Variants in TTC28 observed in about 807,000 individuals in gnomAD.
TTC28 encodes tetratricopeptide repeat protein 28.
Under a neutral mutation model 198.0 loss-of-function variants are expected in TTC28, and 61 were observed. That is an observed-to-expected ratio of 0.31 (90% CI 0.25 to 0.38). The LOEUF (loss-of-function observed/expected upper bound fraction) is 0.38. Among genes scored for constraint, TTC28 ranks in the 10% least tolerant of loss-of-function variants. The pLI is 1.00. For synonymous variants in TTC28, 1,171 were observed against 1,297.8 expected (o/e 0.90, Z 2.10); for missense variants, 2,678 against 3,164.0 (o/e 0.85, Z 3.69).
chr22:28,445,963 A>ACCAACAC lies in TTC28; in HGVS notation c.382-139327_382-139321dup, dbSNP rs557287595. 2.1e-4 allele frequency among the ~76,000 whole-genome samples: 32 copies of ACCAACAC among 152,298 alleles called. No homozygotes were observed. In the South Asian group the frequency reaches 6.6e-3, roughly 32 times the overall value. On this transcript the variant is annotated intron_variant, in intron 2 of 22. Coordinates refer to ENST00000397906, the MANE Select transcript of TTC28 (RefSeq NM_001145418.2). ...GGAGCAGGGACTTGACTGTTATAAT[A>ACCAACAC]CCAACACCCAGTGAACAGTGTCTGA...
intron 2 of TTC28, among the ~76,000 whole-genome samples, chr22:28,592,612 A>G (rs1202733758): frequency 6.6e-6 from 1 of 151,884 alleles, no homozygotes; most frequent in African/African-American, 2.4e-5. Flanking sequence ...AACTCTTGAA[A>G]CTCATGAATG....
In TTC28 at chr22:28,303,620, C is replaced by A. The variant is rs1013989496; in HGVS notation, c.529+2876G>T. 3.3e-5 allele frequency: 5 copies of A among 152,148 alleles called. No homozygotes were observed. The East Asian group carries it at 9.7e-4, about 29-fold the overall frequency. 9.4% of individuals were successfully genotyped at this position (152,148 alleles called of 1,614,324 possible). A position where few individuals can be genotyped will look rare whatever the true frequency, so the allele number is the denominator to read the frequency against. On this transcript the variant is annotated intron_variant, in intron 3 of 22. Transcript: ENST00000397906. ...GGTATATTAATTTAGGTTGTCCCTG[C>A]CTTAAAAGAAATAAAATCTTAACAC...
rs1348153828 is a variant in TTC28 at position 28,014,231 on chromosome 22, C to T, written c.4218+17G>A. On this transcript the variant is annotated intron_variant, in intron 14 of 22. Coordinates refer to ENST00000397906, the MANE Select transcript of TTC28 (RefSeq NM_001145418.2). ...GTTCTGATGCGGAGGAGCCTTGTGC[C>T]CCCAGGAGGTGCTTACCCCTTCCAT... The T allele has an allele frequency of 1.3e-6, 2 of 1,544,852 alleles. No individual in the cohort carries two copies. The highest frequency in any genetic ancestry group is 2.4e-5 in the South Asian group (2 of 82,790).
chr22:28,402,017 G>C (rs1389276859), intron 2 of TTC28, among the ~76,000 whole-genome samples: 4 of 152,070 alleles, frequency 2.6e-5, no homozygotes, highest in African/African-American at 9.7e-5. Context: ...CCTACCCTTG[G>C]TCCAAATTTA....
At chr22:28,230,951 A>C (rs191548807) in intron 5 of TTC28, among the ~76,000 whole-genome samples, 1 of 152,340 alleles carries the variant, frequency 6.6e-6, no homozygotes, top group African/African-American at 2.4e-5. Context: ...TGTACTGATG[A>C]AAAATGTATC....
intron 2 of TTC28, among the ~76,000 whole-genome samples, chr22:28,534,794 G>A (rs1215665774): frequency 6.6e-6 from 1 of 152,018 alleles, no homozygotes; most frequent in African/African-American, 2.4e-5. Flanking sequence ...CCATCATTCT[G>A]AGCAAACTAT....
intron 2 of TTC28, among the ~76,000 whole-genome samples, chr22:28,609,808 C>A (rs558169596): frequency 6.6e-6 from 1 of 152,298 alleles, no homozygotes; most frequent in African/African-American, 2.4e-5. Context: ...GTTCCACCCA[C>A]ACGGAGCCCA....
At chr22:28,492,524 C>A (rs1289176228) in intron 2 of TTC28, among the ~76,000 whole-genome samples, 1 of 151,856 alleles carries the variant, frequency 6.6e-6, no homozygotes, top group Non-Finnish European at 1.5e-5. Flanking sequence ...AACAAACAAA[C>A]AAACAAAAAC....
At chr22:28,101,940 G>A (rs542763981) in intron 8 of TTC28, among the ~76,000 whole-genome samples, 2 of 152,264 alleles carry the variant, frequency 1.3e-5, no homozygotes, top group Non-Finnish European at 2.9e-5. Context: ...CTCGGCAAGA[G>A]CCCAGGTGAT....
intron 2 of TTC28, among the ~76,000 whole-genome samples, chr22:28,423,627 G>A (rs978647389): frequency 6.6e-6 from 1 of 152,186 alleles, no homozygotes; most frequent in Non-Finnish European, 1.5e-5. Flanking sequence ...CATCATTACA[G>A]TAGTTACATT....
At position 27,978,724 on chromosome 22, in the gene TTC28, A is replaced by G. The variant is rs530603759; in HGVS notation, c.*3497T>C. The G allele has an allele frequency of 2.0e-5, 3 of 152,268 alleles. No individual in the cohort carries two copies. Among genetic ancestry groups the G allele is most frequent in the South Asian group, 2.1e-4 (1 of 4,824 alleles). 9.4% of individuals were successfully genotyped at this position (152,268 alleles called of 1,614,324 possible). A position where few individuals can be genotyped will look rare whatever the true frequency, so the allele number is the denominator to read the frequency against. On this transcript the variant is annotated 3_prime_UTR_variant, in exon 23 of 23. Transcript: ENST00000397906. The stretch of plus-strand genomic sequence containing the variant: ...GATCAAAATGTAAGTTTTAGTAGCA[A>G]TTTTTCTCTTGATATTTTGACTTAA...
intron 1 of TTC28, among the ~76,000 whole-genome samples, chr22:28,643,816 A>G (rs1381344534): frequency 6.6e-6 from 1 of 152,250 alleles, no homozygotes; most frequent in Non-Finnish European, 1.5e-5. Flanking sequence ...AAGAATTATT[A>G]TAATTATTGA....
rs574961907 is a variant in TTC28, at chr22:28,236,656, T to G, written c.933+59542A>C. 9.9e-5 allele frequency among the ~76,000 whole-genome samples: 15 copies of G among 152,210 alleles called. No individual in the cohort carries two copies. The South Asian group carries it at 2.9e-3, about 29-fold the overall frequency. ...CAGTACATGTTAGTGGAAATAGAGT[T>G]TAAGGATATGGGCTTGGTCAACTGC... On this transcript the variant is annotated intron_variant, in intron 5 of 22. Coordinates refer to ENST00000397906, the MANE Select transcript of TTC28 (RefSeq NM_001145418.2).
intron 2 of TTC28, among the ~76,000 whole-genome samples, chr22:28,423,930 A>G (rs2047305838): frequency 6.6e-6 from 1 of 152,238 alleles, no homozygotes; most frequent in Admixed American, 6.5e-5. Context: ...CTACATCTGC[A>G]AAGGCCAAAA....
rs1601624114 is a variant in TTC28 at position 28,105,286 on chromosome 22, T to C, written c.3300A>G (p.Leu1100=). ...ATGGGCCTTTTCACCTACCTTCCTG[T>C]AAGTACATGACTGCTTGGGAATAGT... ...LQNYSQAVMY[L]QEGLRLAEQL... Residue 1100 remains leucine, a synonymous_variant, in exon 8 of 23, where the codon TTA becomes TTG. Transcript: ENST00000397906. The C allele has an allele frequency of 1.3e-6, 2 of 1,550,454 alleles. No individual in the cohort carries two copies. Among genetic ancestry groups the C allele is most frequent in the Non-Finnish European group, 1.7e-6 (2 of 1,146,010 alleles).
At chr22:28,217,206 T>C (rs1927473573) in intron 5 of TTC28, among the ~76,000 whole-genome samples, 1 of 152,126 alleles carries the variant, frequency 6.6e-6, no homozygotes, top group African/African-American at 2.4e-5. Flanking sequence ...CTACACAAGA[T>C]ACACACTGCA....
At chr22:28,129,930 A>G (rs1262451953) in intron 6 of TTC28, among the ~76,000 whole-genome samples, 1 of 152,188 alleles carries the variant, frequency 6.6e-6, no homozygotes, top group African/African-American at 2.4e-5. Context: ...AGGAGATGAG[A>G]TGCTGTTGAT....
At chr22:28,548,401 C>G (rs531450336) in intron 2 of TTC28, among the ~76,000 whole-genome samples, 1 of 152,310 alleles carries the variant, frequency 6.6e-6, no homozygotes, top group South Asian at 2.1e-4. Flanking sequence ...ACATGGCAAT[C>G]TCTGAACAAT....
At chr22:28,099,883 T>G (rs1942093329) in intron 9 of TTC28, among the ~76,000 whole-genome samples, 2 of 152,180 alleles carry the variant, frequency 1.3e-5, no homozygotes, top group South Asian at 4.1e-4. Context: ...GATAGCTCTT[T>G]GCAGATGGTT....
Sources: allele counts gnomAD v4.1 joint callset (sites outside exome capture counted in the v4.1 genomes callset), GRCh38; gene constraint gnomAD v4.1.1; transcripts MANE v1.5; gene names NCBI Gene and HGNC (gene_info 2026-07-23, HGNC 2026-07-21).